Variants in AFG3L2 observed in about 807,000 individuals in gnomAD.
AFG3L2 encodes mitochondrial inner membrane m-AAA protease component AFG3L2.
Under a neutral mutation model 94.5 loss-of-function variants are expected in AFG3L2, and 54 were observed. The ratio of observed to expected loss-of-function variants is 0.57; its 90% CI spans 0.46 to 0.72. AFG3L2 has a LOEUF of 0.72. Ranked by LOEUF, AFG3L2 falls within the 30% of genes least tolerant of loss-of-function variation. The pLI, the probability that AFG3L2 is intolerant of heterozygous loss-of-function variation, is 0.00. For synonymous variants in AFG3L2, 377 were observed against 365.5 expected, an observed-to-expected ratio of 1.03 and a Z score of -0.36; for missense variants, 754 against 994.9, an observed-to-expected ratio of 0.76 and a Z score of 3.26.
chr18:12,370,947 A>G, intron 2 of AFG3L2, 21 bp from the exon 3 acceptor site: 1 of 1,390,970 alleles, frequency 7.2e-7, no homozygotes. Context: ...AAGAAAAAAA[A>G]TACTTATCTT....
chr18:12,375,422 AAAAAAC>A (rs1315666885), intron 1 of AFG3L2, among the ~76,000 whole-genome samples: 1 of 151,598 alleles, frequency 6.6e-6, no homozygotes, highest in Non-Finnish European at 1.5e-5. Context: ...AAAAAAAAAA[AAAAAAC>A]AATTTGTAGA....
intron 13 of AFG3L2, 60 bp downstream of exon 13, chr18:12,348,213 T>C: frequency 7.0e-7 from 1 of 1,426,092 alleles, no homozygotes; most frequent in South Asian, 1.2e-5. Flanking sequence ...AACAGAGAAA[T>C]CCCTGGCCTC....
At position 12,339,236 on chromosome 18, in the gene AFG3L2, CAAAAAAAAAA is replaced by C. The variant is rs539968042; in HGVS notation, c.1980+955_1980+964del. 2.9e-4 allele frequency among the ~76,000 whole-genome samples: 12 copies of C among 41,288 alleles called. No individual in the cohort carries two copies. The South Asian group carries it at 0.011, about 39-fold the overall frequency. 27.1% of individuals were successfully genotyped at this position (41,288 alleles called of 152,430 possible). On this transcript the variant is annotated intron_variant, in intron 15 of 16. Coordinates refer to ENST00000269143, the MANE Select transcript of AFG3L2 (RefSeq NM_006796.3). ...AGCCTGGGCGACCGAGACTCTGTCT[CAAAAAAAAAA>C]AAAAAAAAAAAAAAAAGGTTTCTCA...
At chr18:12,354,132 A>ACC (rs1555672008) in intron 9 of AFG3L2, among the ~76,000 whole-genome samples, 12 of 55,894 alleles carry the variant, frequency 2.1e-4, no homozygotes, top group African/African-American at 8.0e-4. Flanking sequence ...GCCCACTCCC[A>ACC]CCCCCCCCCC....
At chr18:12,349,891 A>G (rs1156532806) in intron 12 of AFG3L2, among the ~76,000 whole-genome samples, 2 of 152,016 alleles carry the variant, frequency 1.3e-5, no homozygotes, top group East Asian at 3.9e-4. Context: ...TGAACTCCTG[A>G]CGTCAGGTGA....
rs187125662 is a variant in AFG3L2 at position 12,370,034 on chromosome 18, G to A, written c.292+815C>T. ...CATGCCACTGCACTCCAGCCTGGAC[G>A]ACAGAGCTAGACTCTGTCTCAAAAA... On this transcript the variant is annotated intron_variant, in intron 3 of 16. Coordinates refer to ENST00000269143, the MANE Select transcript of AFG3L2 (RefSeq NM_006796.3). Among the ~76,000 whole-genome samples, 241 of 124,910 alleles carry A rather than the reference G, an allele frequency of 1.9e-3. 2 individuals are homozygous for A. The highest frequency in any genetic ancestry group is 9.9e-3 in the South Asian group (39 of 3,944). The allele number at this position is 124,910 out of a possible 152,430, so 81.9% of individuals were successfully genotyped here.
intron 12 of AFG3L2, 53 bp downstream of exon 12, chr18:12,351,032 T>G: frequency 6.2e-7 from 1 of 1,607,258 alleles, no homozygotes; most frequent in Non-Finnish European, 8.5e-7. Flanking sequence ...ACCTGGTAAC[T>G]GTTACTGATT....
At chr18:12,332,178 C>T (rs1309679117) in intron 16 of AFG3L2, among the ~76,000 whole-genome samples, 1 of 137,438 alleles carries the variant, frequency 7.3e-6, no homozygotes, top group African/African-American at 2.8e-5. Flanking sequence ...GGCTGGAGTA[C>T]AATGGCGCGA....
At position 12,337,494 on chromosome 18, in the gene AFG3L2, G is replaced by A. The variant is rs1907788312; in HGVS notation, c.2022C>T (p.Ser674=). 6.2e-7 allele frequency: 1 copy of A among 1,614,220 alleles called. No individual in the cohort carries two copies. The part of the protein sequence containing the change: ...FGMNEKVGQI[S]FDLPRQGDMV... ...TGTCCCCCTGACGTGGGAGGTCAAAGGAGATTTGCCCAACCTTTTCATTCA... is the reference window on the plus strand; with the variant it reads ...TGTCCCCCTGACGTGGGAGGTCAAAAGAGATTTGCCCAACCTTTTCATTCA... Residue 674 remains serine (S), a synonymous_variant, in exon 16 of 17, where the codon TCC becomes TCT. Coordinates refer to ENST00000269143, the MANE Select transcript of AFG3L2 (RefSeq NM_006796.3).
At chr18:12,332,070 C>T (rs931608885) in intron 16 of AFG3L2, among the ~76,000 whole-genome samples, 1 of 151,352 alleles carries the variant, frequency 6.6e-6, no homozygotes, top group African/African-American at 2.4e-5. Flanking sequence ...AGATCATATA[C>T]CTAGTGTAAA....
At chr18:12,338,350 C>T (rs1286763526) in intron 15 of AFG3L2, among the ~76,000 whole-genome samples, 1 of 152,186 alleles carries the variant, frequency 6.6e-6, no homozygotes, top group African/African-American at 2.4e-5. Context: ...GATGGCATGC[C>T]ACTCACGCTG....
intron 14 of AFG3L2, among the ~76,000 whole-genome samples, chr18:12,340,762 A>G (rs1406799393): frequency 6.6e-6 from 1 of 151,766 alleles, no homozygotes; most frequent in Non-Finnish European, 1.5e-5. Context: ...GGCCTGGCTA[A>G]TTTTTTATTT....
chr18:12,377,211 G>A lies in AFG3L2; in HGVS notation c.-129C>T, dbSNP rs1203451352. On this transcript the variant is annotated 5_prime_UTR_variant, in exon 1 of 17. Transcript: ENST00000269143. ...CAGCGAAGCGCGCCGGCGGCTCACG[G>A]AGGAGCCCAAGCTCTCAACGCGGCG... The A allele has an allele frequency of 1.4e-5, 10 of 719,592 alleles. No homozygotes were observed. The highest frequency in any genetic ancestry group is 9.6e-5 in the South Asian group (6 of 62,434). The allele number at this position is 719,592 out of a possible 1,614,324, so 44.6% of individuals were successfully genotyped here. A position where few individuals can be genotyped will look rare whatever the true frequency, so the allele number is the denominator to read the frequency against.
intron 15 of AFG3L2, among the ~76,000 whole-genome samples, chr18:12,339,645 A>G (rs1907877133): frequency 6.6e-6 from 1 of 151,566 alleles, no homozygotes. Context: ...GTCAGGAGAT[A>G]AGACCATCCT....
intron 13 of AFG3L2, among the ~76,000 whole-genome samples, chr18:12,344,534 C>A (rs1157001729): frequency 6.6e-6 from 1 of 151,914 alleles, no homozygotes; most frequent in East Asian, 1.9e-4. Flanking sequence ...ATTAGCCAGG[C>A]GTCGTGGTGA....
At chr18:12,349,540 C>T (rs1908247634) in intron 12 of AFG3L2, among the ~76,000 whole-genome samples, 1 of 152,172 alleles carries the variant, frequency 6.6e-6, no homozygotes, top group South Asian at 2.1e-4. Flanking sequence ...TGTGGAACAG[C>T]CAAACAATGG....
intron 3 of AFG3L2, among the ~76,000 whole-genome samples, chr18:12,367,810 G>A (rs910823240): frequency 2.0e-5 from 3 of 152,050 alleles, no homozygotes; most frequent in Non-Finnish European, 4.4e-5. Context: ...CCAGAATTTC[G>A]GGGGGCCAAA....
chr18:12,361,275 C>T (rs771990976), intron 6 of AFG3L2, among the ~76,000 whole-genome samples: 69 of 152,078 alleles, frequency 4.5e-4, no homozygotes, highest in Admixed American at 2.6e-4. Flanking sequence ...GAGGCATGAA[C>T]CTGGGAGGCA....
Position 12,352,297 on chromosome 18 carries a change from CT to C in AFG3L2, c.1318+707del, listed in dbSNP as rs914102149. On this transcript the variant is annotated intron_variant, in intron 10 of 16. Coordinates refer to ENST00000269143, the MANE Select transcript of AFG3L2 (RefSeq NM_006796.3). ...GCTGACCATCGCGGGACGGAGGAGGCTTTCTACCTCCTTATTCTGCCCCTAT... is the reference window on the plus strand; with the variant it reads ...GCTGACCATCGCGGGACGGAGGAGGCTTCTACCTCCTTATTCTGCCCCTAT... Among the ~76,000 whole-genome samples the C allele has an allele frequency of 1.4e-4, 21 of 152,286 alleles. No homozygotes were observed. The South Asian group carries it at 1.7e-3, about 12-fold the overall frequency.
Sources: gnomAD v4.1 joint callset for allele counts (sites outside exome capture counted in the v4.1 genomes callset) on GRCh38, gnomAD v4.1.1 for gene constraint, MANE v1.5 for transcripts, NCBI Gene and HGNC (gene_info 2026-07-23, HGNC 2026-07-21) for gene names.